LRRC7: variants seen among roughly 807,000 people sequenced by gnomAD.
LRRC7 encodes leucine-rich repeat-containing protein 7.
In LRRC7, 23 loss-of-function variants were observed where a neutral mutation model predicts 175.7. The observed-to-expected ratio is 0.13, with a 90% confidence interval of 0.09 to 0.19. The LOEUF is 0.19. Ranked by LOEUF, LRRC7 falls within the 10% of genes least tolerant of loss-of-function variation. The probability of loss-of-function intolerance (pLI) is 1.00; values close to 1 mark genes in which losing one functional copy is unlikely to be tolerated. For missense variants in LRRC7, 1,354 were observed against 1,904.7 expected, an observed-to-expected ratio of 0.71 and a Z score of 5.38; for synonymous variants, 685 against 680.9, an observed-to-expected ratio of 1.01 and a Z score of -0.09.
chr1:69,619,950 A>C (rs1299731156), intron 1 of LRRC7, among the ~76,000 whole-genome samples: 1 of 152,180 alleles, frequency 6.6e-6, no homozygotes, highest in East Asian at 1.9e-4. Context: ...TAACAATATA[A>C]AAAGTTCATT....
chr1:69,796,809 AAAC>A (rs903793979), intron 4 of LRRC7, among the ~76,000 whole-genome samples: 2 of 151,930 alleles, frequency 1.3e-5, no homozygotes, highest in African/African-American at 4.8e-5. Flanking sequence ...AAAAAACAAA[AAAC>A]AACAACAACA....
At chr1:70,054,390 A>G (rs1230646066) in intron 23 of LRRC7, among the ~76,000 whole-genome samples, 1 of 152,094 alleles carries the variant, frequency 6.6e-6, no homozygotes, top group Non-Finnish European at 1.5e-5. Context: ...CAAAACAAGC[A>G]AAACTCAAAA....
chr1:70,042,231 T>C (rs1217796569), intron 21 of LRRC7, among the ~76,000 whole-genome samples: 2 of 152,198 alleles, frequency 1.3e-5, no homozygotes, highest in African/African-American at 4.8e-5. Context: ...TCCCAGCTAC[T>C]CAACAAGATG....
chr1:69,936,009 T>G (rs973407324), intron 8 of LRRC7, among the ~76,000 whole-genome samples: 28 of 152,130 alleles, frequency 1.8e-4, no homozygotes, highest in African/African-American at 6.5e-4. Context: ...CTGTGTATTT[T>G]TTTTCCAGAG....
At chr1:69,793,500 A>G (rs1435354317) in intron 4 of LRRC7, among the ~76,000 whole-genome samples, 1 of 152,078 alleles carries the variant, frequency 6.6e-6, no homozygotes, top group African/African-American at 2.4e-5. Context: ...TCTCCTCCAC[A>G]AATATCTGCA....
chr1:69,772,913 G>A (rs1414449806), intron 3 of LRRC7, among the ~76,000 whole-genome samples: 1 of 152,180 alleles, frequency 6.6e-6, no homozygotes, highest in Non-Finnish European at 1.5e-5. Flanking sequence ...TAAACTGAGA[G>A]ATTGGCTAAG....
At chr1:69,977,385 C>G (rs145977724) in intron 8 of LRRC7, among the ~76,000 whole-genome samples, 7 of 152,162 alleles carry the variant, frequency 4.6e-5, no homozygotes, top group African/African-American at 1.7e-4. Context: ...GAAATACAAG[C>G]TTTGAGTTTC....
At chr1:69,758,052 G>A (rs1670628198) in intron 2 of LRRC7, among the ~76,000 whole-genome samples, 1 of 151,758 alleles carries the variant, frequency 6.6e-6, no homozygotes, top group Admixed American at 6.6e-5. Flanking sequence ...ACTTCCCTTT[G>A]CAACTGCAAT....
intron 7 of LRRC7, among the ~76,000 whole-genome samples, chr1:69,910,099 C>G (rs538043907): frequency 2.0e-5 from 3 of 152,152 alleles, no homozygotes; most frequent in African/African-American, 7.2e-5. Context: ...ACGTAGTTCT[C>G]GAGCCTTGGC....
chr1:69,776,658 C>T (rs1672842012), intron 3 of LRRC7, among the ~76,000 whole-genome samples: 1 of 151,996 alleles, frequency 6.6e-6, no homozygotes, highest in Non-Finnish European at 1.5e-5. Flanking sequence ...TCTTGGTTTC[C>T]TGGTAATAAT....
At chr1:69,646,923 A>G (rs1375247560) in intron 1 of LRRC7, among the ~76,000 whole-genome samples, 1 of 152,074 alleles carries the variant, frequency 6.6e-6, no homozygotes, top group African/African-American at 2.4e-5. Flanking sequence ...AGCTGCTTTT[A>G]GAGGCAGCCA....
chr1:69,999,444 G>C (rs2132485), intron 11 of LRRC7, among the ~76,000 whole-genome samples: 67,096 of 151,998 alleles, frequency 0.44, 16,097 homozygotes, highest in East Asian at 0.59. Flanking sequence ...GGTGACAGAA[G>C]CAGTATTTCA....
intron 2 of LRRC7, among the ~76,000 whole-genome samples, chr1:69,759,204 G>A (rs1345939685): frequency 1.3e-5 from 2 of 151,968 alleles, no homozygotes; most frequent in Non-Finnish European, 2.9e-5. Context: ...ACGGTGATTA[G>A]GAGGAGAGTC....
intron 2 of LRRC7, among the ~76,000 whole-genome samples, chr1:69,698,009 C>A (rs1662836611): frequency 6.6e-6 from 1 of 152,136 alleles, no homozygotes; most frequent in Non-Finnish European, 1.5e-5. Flanking sequence ...TCAGACCCTG[C>A]CAATCAGACA....
chr1:70,131,569 C>G lies in LRRC7; in HGVS notation c.*9682C>G, dbSNP rs191803884. 3.9e-4 allele frequency among the ~76,000 whole-genome samples: 59 copies of G among 152,176 alleles called. No homozygotes were observed. Among genetic ancestry groups the G allele is most frequent in the Admixed American group, 3.8e-3 (58 of 15,280 alleles). ...TTAATATTAATTACTCTTATTCTAC[C>G]TCTGCTTTTTAATTTCTTTGTATAA... On this transcript the variant is annotated 3_prime_UTR_variant, in exon 27 of 27. Transcript: ENST00000651989.
rs77689516 is a variant in LRRC7 at position 69,673,296 on chromosome 1, C to T, written c.3-5085C>T. 4.4e-3 allele frequency among the ~76,000 whole-genome samples: 665 copies of T among 152,320 alleles called. 8 individuals carry two copies. Among genetic ancestry groups the T allele is most frequent in the African/African-American group, 0.015 (635 of 41,580 alleles). On this transcript the variant is annotated intron_variant, in intron 1 of 26. Transcript: ENST00000651989. ...GAGACACCATCAAGAATGTCATGGA[C>T]ACTTTTTGCTTATAACTGTTAATTG...
At chr1:69,972,618 A>G (rs1177789073) in intron 8 of LRRC7, among the ~76,000 whole-genome samples, 2 of 152,224 alleles carry the variant, frequency 1.3e-5, no homozygotes, top group African/African-American at 2.4e-5. Flanking sequence ...TCAAAATATA[A>G]TAGATGTTAG....
At chr1:69,627,082 T>C (rs1189789745) in intron 1 of LRRC7, among the ~76,000 whole-genome samples, 1 of 152,190 alleles carries the variant, frequency 6.6e-6, no homozygotes, top group East Asian at 1.9e-4. Flanking sequence ...CCTTTAGGTA[T>C]ATACCCAGTA....
intron 7 of LRRC7, among the ~76,000 whole-genome samples, chr1:69,865,555 A>G (rs542009317): frequency 7.7e-6 from 1 of 129,998 alleles, no homozygotes; most frequent in East Asian, 2.3e-4. Context: ...ATCTCTGCTC[A>G]CTGCAAGCTC....
Sources: gnomAD v4.1 joint callset for allele counts (sites outside exome capture counted in the v4.1 genomes callset) on GRCh38, gnomAD v4.1.1 for gene constraint, MANE v1.5 for transcripts, NCBI Gene and HGNC (gene_info 2026-07-23, HGNC 2026-07-21) for gene names.